The following MTA3 variants were observed in gnomAD, a reference collection of about 807,000 sequenced individuals.
The protein encoded by MTA3 is metastasis associated 1 family member 3.
Under a neutral mutation model 83.5 loss-of-function variants are expected in MTA3, and 34 were observed. The ratio of observed to expected loss-of-function variants is 0.41; its 90% confidence interval spans 0.31 to 0.54. The LOEUF is 0.54. MTA3 is among the 20% of genes least tolerant of loss of function. The pLI, the probability that MTA3 is intolerant of heterozygous loss-of-function variation, is 0.33. For synonymous variants in MTA3, 303 were observed against 252.7 expected (o/e 1.20, Z -1.89); for missense variants, 761 against 726.4 (o/e 1.05, Z -0.55).
At chr2:42,687,021 G>GGAGGAT (rs1295223203) in intron 9 of MTA3, among the ~76,000 whole-genome samples, 3 of 150,712 alleles carry the variant, frequency 2.0e-5, no homozygotes, top group African/African-American at 7.3e-5. Flanking sequence ...CAGCTACTCA[G>GGAGGAT]GAGGCTGAGG....
At chr2:42,608,557 C>T (rs1683785318) in intron 3 of MTA3, among the ~76,000 whole-genome samples, 1 of 152,184 alleles carries the variant, frequency 6.6e-6, no homozygotes, top group South Asian at 2.1e-4. Flanking sequence ...TCATAAAGAA[C>T]TACTTCAACA....
intron 8 of MTA3, among the ~76,000 whole-genome samples, chr2:42,681,776 G>A (rs192155940): frequency 1.8e-4 from 28 of 151,990 alleles, no homozygotes; most frequent in Middle Eastern, 3.4e-3. Flanking sequence ...TTCTCAAAGC[G>A]CTGGGATTAC....
intron 14 of MTA3, among the ~76,000 whole-genome samples, chr2:42,713,231 T>C (rs1475217992): frequency 6.6e-6 from 1 of 152,208 alleles, no homozygotes; most frequent in East Asian, 1.9e-4. Flanking sequence ...TGAGGTTATT[T>C]GGGAGGAACC....
chr2:42,704,037 C>A, intron 11 of MTA3, 157 bp from the exon 12 acceptor site: 1 of 780,110 alleles, frequency 1.3e-6, no homozygotes, highest in East Asian at 2.9e-5. Flanking sequence ...AGTGTGAGTT[C>A]ATTTAACACC....
chr2:42,552,419 A>C (rs559698670), intron 2 of MTA3, among the ~76,000 whole-genome samples: 1 of 152,176 alleles, frequency 6.6e-6, no homozygotes, highest in Non-Finnish European at 1.5e-5. Flanking sequence ...CTTGTCTTAA[A>C]ACTTTCTCTC....
chr2:42,559,363 G>A (rs1482551896), intron 2 of MTA3, among the ~76,000 whole-genome samples: 1 of 151,806 alleles, frequency 6.6e-6, no homozygotes, highest in Admixed American at 6.6e-5. Flanking sequence ...TTAGCCAGGC[G>A]TGGTGGTGTG....
chr2:42,525,475 A>ATTCCCTCCTTCCTTCC (rs1675647132), intron 2 of MTA3, among the ~76,000 whole-genome samples: 1 of 135,506 alleles, frequency 7.4e-6, no homozygotes, highest in Non-Finnish European at 1.6e-5. Flanking sequence ...GCTAGGATCA[A>ATTCCCTCCTTCCTTCC]TTCCTTCCTT....
intron 9 of MTA3, chr2:42,682,805 G>C: frequency 2.1e-6 from 1 of 474,378 alleles, no homozygotes; most frequent in East Asian, 3.6e-5. Context: ...GGGTACGGTG[G>C]CTCACGTCTG....
chr2:42,713,445 T>A (rs1360038487), intron 14 of MTA3, among the ~76,000 whole-genome samples: 2 of 150,544 alleles, frequency 1.3e-5, no homozygotes, highest in African/African-American at 4.9e-5. Flanking sequence ...AGAGTTTAAA[T>A]TTTTTTTTTA....
intron 2 of MTA3, among the ~76,000 whole-genome samples, chr2:42,557,953 T>G (rs1677478688): frequency 6.6e-6 from 1 of 152,156 alleles, no homozygotes; most frequent in Non-Finnish European, 1.5e-5. Flanking sequence ...CCAATTTATT[T>G]TGAGCTGCCT....
At chr2:42,669,906 C>G (rs1451048392) in intron 8 of MTA3, among the ~76,000 whole-genome samples, 2 of 152,200 alleles carry the variant, frequency 1.3e-5, no homozygotes, top group African/African-American at 4.8e-5. Context: ...GCAACTTTGT[C>G]TAGGATAATT....
intron 4 of MTA3, among the ~76,000 whole-genome samples, chr2:42,624,315 T>G (rs557032598): frequency 6.6e-6 from 1 of 152,208 alleles, no homozygotes; most frequent in African/African-American, 2.4e-5. Flanking sequence ...CTTTAATTTT[T>G]AATTTTTTAA....
In MTA3 at chr2:42,661,542, A is replaced by G. The variant is rs557237905; in HGVS notation, c.702+1680A>G. 3.4e-5 allele frequency among the ~76,000 whole-genome samples: 5 copies of G among 145,582 alleles called. No homozygotes were observed. The East Asian group carries it at 1.0e-3, about 30-fold the overall frequency. On this transcript the variant is annotated intron_variant, in intron 8 of 16. Transcript: ENST00000405094. Reference sequence around the variant, plus strand: ...AAAAAAAAAAAAGAAAAAGATATTTATGTGAACCAGAACTATGTGGAATCT... The same window carrying G: ...AAAAAAAAAAAAGAAAAAGATATTTGTGTGAACCAGAACTATGTGGAATCT...
At chr2:42,680,610 G>C (rs1040174139) in intron 8 of MTA3, among the ~76,000 whole-genome samples, 4 of 152,170 alleles carry the variant, frequency 2.6e-5, no homozygotes, top group Admixed American at 2.6e-4. Flanking sequence ...CCGCGACATA[G>C]GCAGAGATGA....
chr2:42,708,910 A>G lies in MTA3; in HGVS notation c.1339A>G (p.Met447Val), dbSNP rs1314486828. Residue 447 changes from methionine (M) to valine (V), a missense_variant, in exon 14 of 17, where the codon ATG becomes GTG. By Grantham distance (21) the Met-to-Val change is conservative. Transcript: ENST00000405094. ...TAGAAGTCACGTGTCCCGCCAGGCC[A>G]TGCAGGGAATGCCAGTCCGAAACAC... ...RVRSHVSRQAMQGMPVRNTGS... is the reference protein window; with the variant it reads ...RVRSHVSRQAVQGMPVRNTGS... 6.2e-7 allele frequency: 1 copy of G among 1,613,982 alleles called. No individual in the cohort carries two copies. Among genetic ancestry groups the G allele is most frequent in the East Asian group, 2.2e-5 (1 of 44,874 alleles).
intron 3 of MTA3, among the ~76,000 whole-genome samples, chr2:42,588,271 G>A (rs1336698139): frequency 6.6e-6 from 1 of 152,130 alleles, no homozygotes; most frequent in Non-Finnish European, 1.5e-5. Context: ...ATGTAAGTAA[G>A]TAGATCAGAA....
At chr2:42,605,036 C>T (rs1355437491) in intron 3 of MTA3, among the ~76,000 whole-genome samples, 2 of 150,904 alleles carry the variant, frequency 1.3e-5, no homozygotes, top group Admixed American at 6.6e-5. Flanking sequence ...CCCCACCTTT[C>T]CCGCCTTTCT....
At position 42,548,829 on chromosome 2, in the gene MTA3, A is replaced by AT. The variant is rs1491392121; in HGVS notation, c.-140-21608_-140-21607insT. On this transcript the variant is annotated intron_variant, in intron 2 of 17. Transcript: ENST00000405592. ...AAAAAAAATATATATATATATATATAATATATATATATATATAATATATAT... is the reference window on the plus strand; with the variant it reads ...AAAAAAAATATATATATATATATATATATATATATATATATATAATATATAT... 4.2e-3 allele frequency among the ~76,000 whole-genome samples: 36 copies of AT among 8,586 alleles called. 6 individuals are homozygous for AT. Among genetic ancestry groups the AT allele is most frequent in the African/African-American group, 9.4e-3 (32 of 3,396 alleles). 5.6% of individuals were successfully genotyped at this position (8,586 alleles called of 152,430 possible).
At chr2:42,734,174 G>T (rs1379518053) in intron 16 of MTA3, among the ~76,000 whole-genome samples, 1 of 152,064 alleles carries the variant, frequency 6.6e-6, no homozygotes, top group Non-Finnish European at 1.5e-5. Flanking sequence ...TCTCTCTGTA[G>T]TGCAAATAAT....
Sources: allele counts gnomAD v4.1 joint callset (sites outside exome capture counted in the v4.1 genomes callset), GRCh38; gene constraint gnomAD v4.1.1; transcripts MANE v1.5; gene names NCBI Gene and HGNC (gene_info 2026-07-23, HGNC 2026-07-21).